B4GALNT3: variants seen among roughly 807,000 people sequenced by gnomAD.
B4GALNT3 encodes beta-1,4-N-acetylgalactosaminyltransferase 3.
Under a neutral mutation model 120.2 loss-of-function variants are expected in B4GALNT3, and 86 were observed. The ratio of observed to expected loss-of-function variants is 0.72; its 90% CI spans 0.60 to 0.86. The LOEUF (loss-of-function observed/expected upper bound fraction) is 0.86. B4GALNT3 is among the 40% of genes least tolerant of loss of function. The pLI is 0.00. For synonymous variants in B4GALNT3, 518 were observed against 510.4 expected (o/e 1.01, Z -0.20); for missense variants, 1,167 against 1,298.9 (o/e 0.90, Z 1.56).
At position 553,739 on chromosome 12, in the gene B4GALNT3, G is replaced by A. The variant is rs1427573118; in HGVS notation, c.1816G>A (p.Glu606Lys). 6.2e-7 allele frequency: 1 copy of A among 1,614,162 alleles called. No homozygotes were observed. The highest frequency in any genetic ancestry group is 8.5e-7 in the Non-Finnish European group (1 of 1,179,976). ...AAGQEGQVEG[E>K]EEGEEEEEEE... ...AGGCCAGGAAGGACAAGTGGAGGGAGAGGAAGAGGGGGAAGAAGAGGAGGA... is the reference window on the plus strand; with the variant it reads ...AGGCCAGGAAGGACAAGTGGAGGGAAAGGAAGAGGGGGAAGAAGAGGAGGA... Residue 606 changes from glutamate (E) to lysine (K), a missense_variant, in exon 14 of 20, where the codon GAG becomes AAG. This residue lies in a region of B4GALNT3 where 983 missense variants were observed against 1,102.5 expected (regional missense o/e 0.89). Coordinates refer to ENST00000266383, the MANE Select transcript of B4GALNT3 (RefSeq NM_173593.4).
chr12:539,817 A>T, intron 3 of B4GALNT3, among the ~76,000 whole-genome samples: 1 of 152,142 alleles, frequency 6.6e-6, no homozygotes, highest in East Asian at 1.9e-4. Context: ...CAGCTAAGGA[A>T]AAAGGATTGC....
At chr12:560,112 G>C (rs1315743931) in intron 19 of B4GALNT3, among the ~76,000 whole-genome samples, 1 of 152,172 alleles carries the variant, frequency 6.6e-6, no homozygotes, top group East Asian at 1.9e-4. Flanking sequence ...TTCAAGAAAT[G>C]TGCTGCCAAG....
Position 553,294 on chromosome 12 carries a change from G to C in B4GALNT3, c.1371G>C (p.Gln457His). ...NQNARMLEGRQTPASTLEQDA... is the reference protein window; with the variant it reads ...NQNARMLEGRHTPASTLEQDA... ...ATGCCAGGATGCTTGAGGGAAGACA[G>C]ACACCTGCCTCCACCCTGGAGCAAG... The change falls in exon 14 of 20, where the codon CAG (glutamine) becomes CAC (histidine). Residue 457 changes from glutamine (Q) to histidine (H), a missense_variant. By Grantham distance (24) the Gln-to-His change is conservative. Coordinates refer to ENST00000266383, the MANE Select transcript of B4GALNT3 (RefSeq NM_173593.4). 1 of 1,613,582 alleles carries C rather than the reference G, an allele frequency of 6.2e-7. No individual in the cohort carries two copies. Among genetic ancestry groups the C allele is most frequent in the Non-Finnish European group, 8.5e-7 (1 of 1,180,028 alleles).
intron 1 of B4GALNT3, among the ~76,000 whole-genome samples, chr12:492,907 A>AG (rs1442311149): frequency 2.0e-5 from 3 of 152,240 alleles, no homozygotes; most frequent in Non-Finnish European, 4.4e-5. Context: ...CAAAAAAAAA[A>AG]AAAACCTAGA....
At position 544,344 on chromosome 12, in the gene B4GALNT3, G is replaced by A. The variant is rs1592051109; in HGVS notation, c.357G>A (p.Arg119=). 6.2e-7 allele frequency: 1 copy of A among 1,613,428 alleles called. No individual in the cohort carries two copies. Among genetic ancestry groups the A allele is most frequent in the Non-Finnish European group, 8.5e-7 (1 of 1,179,876 alleles). ...NKPVPWLSEF[R]GRANLHVFED... is the part of the protein sequence containing the mutation. ...CTGGCGTCTCCGCCCTGCAGTTCCGGGGCCGTGCCAACCTGCATGTGTTTG... is the reference window on the plus strand; with the variant it reads ...CTGGCGTCTCCGCCCTGCAGTTCCGAGGCCGTGCCAACCTGCATGTGTTTG... The change falls in exon 4 of 20, where the codon CGG becomes CGA. Residue 119 remains arginine, a synonymous_variant. Transcript: ENST00000266383.
At chr12:536,316 C>A (rs1565605443) in intron 3 of B4GALNT3, 21 bp downstream of exon 3, 1 of 1,586,160 alleles carries the variant, frequency 6.3e-7, no homozygotes, top group Non-Finnish European at 8.7e-7. Flanking sequence ...TTCTATTGTA[C>A]CTGCCCTTTG....
intron 1 of B4GALNT3, among the ~76,000 whole-genome samples, chr12:501,370 C>T (rs983178948): frequency 6.6e-6 from 1 of 152,124 alleles, no homozygotes; most frequent in African/African-American, 2.4e-5. Flanking sequence ...ACACTCTAAA[C>T]AGGAAAACAG....
At position 497,214 on chromosome 12, in the gene B4GALNT3, C is replaced by T. The variant is rs374141882; in HGVS notation, c.169+36669C>T. 4.4e-3 allele frequency among the ~76,000 whole-genome samples: 672 copies of T among 151,976 alleles called. 5 individuals carry two copies. Among genetic ancestry groups the T allele is most frequent in the South Asian group, 0.02 (97 of 4,802 alleles). On this transcript the variant is annotated intron_variant, in intron 1 of 19. Transcript: ENST00000266383. ...TGTTGCCCAGGCTGGAGTGCAATGC[C>T]GCGATCTCGGCTCACTGCAACCTCC...
chr12:467,471 G>A (rs7301029), intron 1 of B4GALNT3, among the ~76,000 whole-genome samples: 72,001 of 152,036 alleles, frequency 0.47, 18,242 homozygotes, highest in East Asian at 0.62. Flanking sequence ...AGGCACAAGA[G>A]TCGCTTGAAC....
Position 553,630 on chromosome 12 carries a change from CGCAGA to C in B4GALNT3, c.1714_1718del (p.Gln572ThrfsTer3), listed in dbSNP as rs755435403. On this transcript the variant is annotated frameshift_variant, in exon 14 of 20. Coordinates refer to ENST00000266383, the MANE Select transcript of B4GALNT3 (RefSeq NM_173593.4). LOFTEE classifies it high-confidence loss of function. ...GGCTGAACCAGGTGGAGTCGTACATCGCAGAGCAGAGACGGGGTGACAGGATGCGG... is the reference window on the plus strand; with the variant it reads ...GGCTGAACCAGGTGGAGTCGTACATCGCAGAGACGGGGTGACAGGATGCGG... 1.2e-6 allele frequency: 2 copies of C among 1,613,882 alleles called. No homozygotes were observed. The highest frequency in any genetic ancestry group is 1.7e-6 in the Non-Finnish European group (2 of 1,179,920).
chr12:536,264 A>G lies in B4GALNT3; in HGVS notation c.320A>G (p.Lys107Arg), dbSNP rs770477225. 5.6e-6 allele frequency: 9 copies of G among 1,614,068 alleles called. No homozygotes were observed. The highest frequency in any genetic ancestry group is 1.3e-5 in the African/African-American group (1 of 74,940). ...QGVSSNSSYL[K>R]WNKPVPWLSE... ...GTGAGCAGTAACAGCAGCTACTTGA[A>G]GTGGAACAAGCCTGTCCCCTGGCTC... The change falls in exon 3 of 20, where the codon AAG becomes AGG. Residue 107 changes from lysine to arginine, a missense_variant. Lys to Arg is a conservative substitution (Grantham distance 26). Around this residue, in one of 3 missense-constraint regions of B4GALNT3, gnomAD observed 171 missense variants for 161.3 expected, o/e 1.06. Coordinates refer to ENST00000266383, the MANE Select transcript of B4GALNT3 (RefSeq NM_173593.4).
Position 558,576 on chromosome 12 carries a change from T to C in B4GALNT3, c.2676T>C (p.Ile892=), listed in dbSNP as rs201956850. Residue 892 remains isoleucine, a synonymous_variant, in exon 18 of 20, where the codon ATT becomes ATC. Transcript: ENST00000266383. ...IHFPAGVIDA[I]RKHCVEGKMA... ...TCCCAGCTGGAGTCATCGATGCCAT[T>C]CGGAAGCACTGTGTGGAGGGAAAGA... The C allele has an allele frequency of 2.5e-6, 4 of 1,614,144 alleles. No individual in the cohort carries two copies. The African/African-American group carries it at 5.3e-5, about 22-fold the overall frequency.
Position 552,126 on chromosome 12 carries a change from A to G in B4GALNT3, c.1171A>G (p.Lys391Glu), listed in dbSNP as rs373103860. 6.8e-6 allele frequency: 11 copies of G among 1,612,918 alleles called. No homozygotes were observed. Among genetic ancestry groups the G allele is most frequent in the Non-Finnish European group, 9.3e-6 (11 of 1,179,174 alleles). The change falls in exon 12 of 20, where the codon AAA becomes GAA. Residue 391 changes from lysine (K) to glutamate (E), a missense_variant. Physicochemically the swap from Lys to Glu is moderately conservative, Grantham distance 56. Transcript: ENST00000266383. The stretch of plus-strand genomic sequence containing the variant: ...CCTGAGCCACATGGAGACCCACAAT[A>G]AATGTTTCTACCAGGAAAACGCCTA... ...TRLSHMETHN[K>E]CFYQENAYYQ...
rs138081235 is a variant in B4GALNT3 at position 537,738 on chromosome 12, T to A, written c.351+1443T>A. ...CTTGTTTAGAACCCAGCGTCTTTAG[T>A]CTCGAGGCCCTGCGGACACAGATTA... is the stretch of plus-strand genomic sequence containing the variant. On this transcript the variant is annotated intron_variant, in intron 3 of 19. Coordinates refer to ENST00000266383, the MANE Select transcript of B4GALNT3 (RefSeq NM_173593.4). 3.1e-3 allele frequency among the ~76,000 whole-genome samples: 474 copies of A among 152,326 alleles called. 3 individuals carry two copies. Among genetic ancestry groups the A allele is most frequent in the African/African-American group, 0.011 (458 of 41,576 alleles).
intron 1 of B4GALNT3, among the ~76,000 whole-genome samples, chr12:522,874 C>A (rs1455466633): frequency 1.4e-5 from 2 of 141,216 alleles, no homozygotes. Context: ...GAGGTCAAGG[C>A]TGCAGTGAGC....
In B4GALNT3 at chr12:556,769, G is replaced by A; in HGVS notation, c.2283G>A (p.Arg761=). 2 of 1,613,918 alleles carry A rather than the reference G, an allele frequency of 1.2e-6. No individual in the cohort carries two copies. Among genetic ancestry groups the A allele is most frequent in the Non-Finnish European group, 1.7e-6 (2 of 1,180,030 alleles). The change falls in exon 15 of 20, where the codon AGG becomes AGA. Residue 761 remains arginine (R), a synonymous_variant. Coordinates refer to ENST00000266383, the MANE Select transcript of B4GALNT3 (RefSeq NM_173593.4). The part of the protein sequence containing the change: ...QGLVWDPHNR[R]RQVLNTRAQE... ...TGGTCTGGGACCCACACAACCGTAG[G>A]AGACAGGTCCTGAATACCCGGGCCC...
chr12:504,744 G>A (rs904510268), intron 1 of B4GALNT3, among the ~76,000 whole-genome samples: 1 of 152,096 alleles, frequency 6.6e-6, no homozygotes, highest in African/African-American at 2.4e-5. Flanking sequence ...CCCACATACT[G>A]TTATTAATTA....
intron 1 of B4GALNT3, among the ~76,000 whole-genome samples, chr12:524,947 T>C (rs12582189): frequency 0.15 from 22,980 of 152,116 alleles, 2,821 homozygotes; most frequent in East Asian, 0.41. Context: ...TGCCACTATC[T>C]TCTGTTGAAC....
At chr12:470,186 G>T (rs1416109359) in intron 1 of B4GALNT3, among the ~76,000 whole-genome samples, 1 of 152,180 alleles carries the variant, frequency 6.6e-6, no homozygotes, top group African/African-American at 2.4e-5. Flanking sequence ...ATCTGGCCCT[G>T]GTCTTTCAAG....
Sources: allele counts gnomAD v4.1 joint callset (sites outside exome capture counted in the v4.1 genomes callset), GRCh38; gene constraint gnomAD v4.1.1; regional missense constraint gnomAD v4.1.1; transcripts MANE v1.5; gene names NCBI Gene and HGNC (gene_info 2026-07-23, HGNC 2026-07-21).